The following SLIT3 variants were observed in gnomAD, a reference collection of about 807,000 sequenced individuals.
SLIT3 encodes slit homolog 3 protein.
In SLIT3, 68 loss-of-function variants were observed where a neutral mutation model predicts 184.0. That is an observed-to-expected ratio of 0.37 (90% CI 0.30 to 0.45). SLIT3 has a LOEUF of 0.45. Among genes scored for constraint, SLIT3 ranks in the 20% least tolerant of loss-of-function variants. The probability of loss-of-function intolerance (pLI) is 1.00; values close to 1 mark genes in which losing one functional copy is unlikely to be tolerated. For synonymous variants in SLIT3, 831 were observed against 828.6 expected, an observed-to-expected ratio of 1.00 and a Z score of -0.05; for missense variants, 1,707 against 2,026.0, an observed-to-expected ratio of 0.84 and a Z score of 3.02.
In SLIT3 at chr5:168,673,436, T is replaced by A. The variant is rs1446527243; in HGVS notation, c.3687-105A>T. ...CTGCATTGCTTACATTTTGTTTTAC[T>A]TTTTATTTGGAAATAACTTTAAACT... On this transcript the variant is annotated intron_variant, in intron 32 of 35. Transcript: ENST00000519560. 4 of 1,089,680 alleles carry A rather than the reference T, an allele frequency of 3.7e-6. No homozygotes were observed. In the Admixed American group the frequency reaches 1.0e-4, roughly 28 times the overall value. 67.5% of individuals were successfully genotyped at this position (1,089,680 alleles called of 1,614,324 possible). A position where few individuals can be genotyped will look rare whatever the true frequency, so the allele number is the denominator to read the frequency against.
intron 4 of SLIT3, among the ~76,000 whole-genome samples, chr5:169,173,218 G>A (rs188854002): frequency 4.6e-5 from 7 of 152,266 alleles, no homozygotes; most frequent in African/African-American, 1.2e-4. Context: ...CCAAGATCGC[G>A]TCTTTGCACT....
At chr5:169,126,272 A>AAAAGCAAATGTATTTAAAT (rs1269044605) in intron 4 of SLIT3, among the ~76,000 whole-genome samples, 4 of 152,200 alleles carry the variant, frequency 2.6e-5, no homozygotes, top group Non-Finnish European at 5.9e-5. Flanking sequence ...GAAAAATTTA[A>AAAAGCAAATGTATTTAAAT]AAAGCAAATG....
intron 20 of SLIT3, among the ~76,000 whole-genome samples, chr5:168,735,671 C>T (rs779311787): frequency 0.024 from 2,477 of 103,950 alleles, 22 homozygotes; most frequent in East Asian, 0.045. Context: ...TACACACACA[C>T]ACACACACAC....
chr5:169,214,686 A>C (rs1764380518), intron 3 of SLIT3, among the ~76,000 whole-genome samples: 1 of 152,212 alleles, frequency 6.6e-6, no homozygotes, highest in Non-Finnish European at 1.5e-5. Flanking sequence ...TGAAAGGGAT[A>C]TGCTGCTCTG....
intron 27 of SLIT3, among the ~76,000 whole-genome samples, chr5:168,697,950 A>G (rs1762108248): frequency 6.6e-6 from 1 of 152,166 alleles, no homozygotes; most frequent in South Asian, 2.1e-4. Context: ...TCGAGGAAAG[A>G]GAGGTTGCTA....
At chr5:169,222,900 A>G (rs1764657779) in intron 3 of SLIT3, among the ~76,000 whole-genome samples, 1 of 152,162 alleles carries the variant, frequency 6.6e-6, no homozygotes, top group South Asian at 2.1e-4. Context: ...TGTTAACCAA[A>G]ATGGCTGAGA....
chr5:168,760,373 C>T (rs1166914286), intron 16 of SLIT3, among the ~76,000 whole-genome samples: 4 of 152,216 alleles, frequency 2.6e-5, no homozygotes, highest in East Asian at 3.9e-4. Context: ...GTCAGACCCA[C>T]GGACTCCTGG....
chr5:168,705,151 G>A (rs1762338734), intron 26 of SLIT3, among the ~76,000 whole-genome samples: 1 of 152,114 alleles, frequency 6.6e-6, no homozygotes, highest in African/African-American at 2.4e-5. Flanking sequence ...AATAGTCAGG[G>A]ATCTTCCACC....
intron 3 of SLIT3, among the ~76,000 whole-genome samples, chr5:169,228,966 G>A (rs1005023153): frequency 6.6e-6 from 1 of 152,096 alleles, no homozygotes; most frequent in Non-Finnish European, 1.5e-5. Flanking sequence ...AAAATCCAGC[G>A]CACAGCCATG....
intron 4 of SLIT3, among the ~76,000 whole-genome samples, chr5:169,070,208 A>G (rs909187294): frequency 2.6e-5 from 4 of 152,156 alleles, no homozygotes; most frequent in African/African-American, 9.7e-5. Context: ...TGGGGTTTGC[A>G]GTATGTTCGA....
At chr5:169,282,755 A>G (rs1409138061) in intron 1 of SLIT3, among the ~76,000 whole-genome samples, 1 of 152,246 alleles carries the variant, frequency 6.6e-6, no homozygotes, top group Non-Finnish European at 1.5e-5. Flanking sequence ...AAAGGAGAAC[A>G]GAGTGACTTT....
chr5:169,096,226 G>A (rs1759773939), intron 4 of SLIT3, among the ~76,000 whole-genome samples: 1 of 152,238 alleles, frequency 6.6e-6, no homozygotes, highest in Non-Finnish European at 1.5e-5. Context: ...CTGCCACAGT[G>A]TAAGTATAGC....
chr5:168,839,362 A>G (rs1021790316), intron 6 of SLIT3, among the ~76,000 whole-genome samples: 1 of 152,138 alleles, frequency 6.6e-6, no homozygotes, highest in African/African-American at 2.4e-5. Flanking sequence ...CTGGCAGTTA[A>G]TGTAAATTGG....
At position 168,666,373 on chromosome 5, in the gene SLIT3, T is replaced by G; in HGVS notation, c.*81A>C. 7.5e-7 allele frequency: 1 copy of G among 1,336,448 alleles called. No individual in the cohort carries two copies. Among genetic ancestry groups the G allele is most frequent in the African/African-American group, 1.5e-5 (1 of 68,522 alleles). The allele number at this position is 1,336,448 out of a possible 1,614,324, so 82.8% of individuals were successfully genotyped here. ...CTCTCCAGCTTCATTTCCTTCATGC[T>G]GAATCACCAGGGGGTCCCACATGGC... On this transcript the variant is annotated 3_prime_UTR_variant, in exon 36 of 36. Transcript: ENST00000519560.
intron 4 of SLIT3, among the ~76,000 whole-genome samples, chr5:168,911,373 G>A (rs1418624793): frequency 6.6e-6 from 1 of 152,160 alleles, no homozygotes; most frequent in Non-Finnish European, 1.5e-5. Flanking sequence ...CCACACACAA[G>A]AGAACAACTG....
intron 10 of SLIT3, 179 bp from the exon 11 acceptor site, chr5:168,789,810 C>T (rs1287181396): frequency 1.4e-5 from 8 of 576,740 alleles, no homozygotes; most frequent in Non-Finnish European, 2.5e-5. Flanking sequence ...TCAACTACCT[C>T]ATGATAAAGT....
intron 14 of SLIT3, among the ~76,000 whole-genome samples, chr5:168,764,382 C>T (rs1466583657): frequency 6.6e-6 from 1 of 152,168 alleles, no homozygotes; most frequent in Non-Finnish European, 1.5e-5. Context: ...AACTGAGGCC[C>T]ACAGGTCACT....
At chr5:169,168,360 C>T (rs958224101) in intron 4 of SLIT3, among the ~76,000 whole-genome samples, 3 of 152,176 alleles carry the variant, frequency 2.0e-5, no homozygotes, top group Non-Finnish European at 4.4e-5. Context: ...TATTGTTCTA[C>T]GACTGCAGAA....
At chr5:168,732,801 A>G (rs778969537) in intron 20 of SLIT3, among the ~76,000 whole-genome samples, 4 of 152,178 alleles carry the variant, frequency 2.6e-5, no homozygotes, top group Non-Finnish European at 5.9e-5. Flanking sequence ...ACTTTTCACC[A>G]TATACAAAAA....
Sources: gnomAD v4.1 joint callset for allele counts (sites outside exome capture counted in the v4.1 genomes callset) on GRCh38, gnomAD v4.1.1 for gene constraint, MANE v1.5 for transcripts, NCBI Gene and HGNC (gene_info 2026-07-23, HGNC 2026-07-21) for gene names.